MYO6: variants seen among roughly 807,000 people sequenced by gnomAD.
MYO6 encodes the protein unconventional myosin-VI.
A neutral mutation model predicts 178.7 loss-of-function variants in MYO6; 74 were observed. The ratio of observed to expected loss-of-function variants is 0.41; its 90% CI spans 0.34 to 0.50. MYO6 has a LOEUF of 0.50. Among genes scored for constraint, MYO6 ranks in the 20% least tolerant of loss-of-function variants. The pLI, the probability that MYO6 is intolerant of heterozygous loss-of-function variation, is 0.09. For synonymous variants in MYO6, 477 were observed against 504.6 expected (o/e 0.95, Z 0.73); for missense variants, 1,330 against 1,547.4 (o/e 0.86, Z 2.36).
chr6:75,794,757 A>T (rs932679724), intron 1 of MYO6, among the ~76,000 whole-genome samples: 6 of 145,118 alleles, frequency 4.1e-5, no homozygotes, highest in Admixed American at 2.0e-4. Context: ...AATAAAAAAA[A>T]AAATAAAATG....
intron 30 of MYO6, among the ~76,000 whole-genome samples, chr6:75,905,066 G>C (rs546508032): frequency 7.2e-5 from 11 of 152,212 alleles, no homozygotes; most frequent in Non-Finnish European, 1.5e-4. Flanking sequence ...GCCCACTTGA[G>C]GAGACAGTCT....
rs1028881414 is a variant in MYO6 at position 75,917,810 on chromosome 6, A to T, written c.*2798A>T. Reference sequence around the variant, plus strand: ...TTGTTTGTAGAGCTTTATTAATTGGATATTTTTTAAAAGACATTTTCATTC... The same window carrying T: ...TTGTTTGTAGAGCTTTATTAATTGGTTATTTTTTAAAAGACATTTTCATTC... On this transcript the variant is annotated 3_prime_UTR_variant, in exon 35 of 35. Coordinates refer to ENST00000369977, the MANE Select transcript of MYO6 (RefSeq NM_004999.4). 1 of 152,602 alleles carries T rather than the reference A, an allele frequency of 6.6e-6. No homozygotes were observed. Among genetic ancestry groups the T allele is most frequent in the South Asian group, 2.1e-4 (1 of 4,830 alleles). 9.5% of individuals were successfully genotyped at this position (152,602 alleles called of 1,614,324 possible). A position where few individuals can be genotyped will look rare whatever the true frequency, so the allele number is the denominator to read the frequency against.
intron 30 of MYO6, among the ~76,000 whole-genome samples, chr6:75,902,400 A>C (rs1326192690): frequency 6.6e-6 from 1 of 152,200 alleles, no homozygotes; most frequent in Admixed American, 6.5e-5. Flanking sequence ...CCACAATTTC[A>C]GATCCTGTTA....
At chr6:75,834,210 G>T (rs989620825) in intron 6 of MYO6, among the ~76,000 whole-genome samples, 4 of 151,592 alleles carry the variant, frequency 2.6e-5, no homozygotes, top group Admixed American at 6.6e-5. Flanking sequence ...TTTTTTGTTT[G>T]TTTGTTTGTT....
At chr6:75,843,947 G>T (rs1444179362) in intron 9 of MYO6, among the ~76,000 whole-genome samples, 1 of 151,892 alleles carries the variant, frequency 6.6e-6, no homozygotes, top group Non-Finnish European at 1.5e-5. Context: ...GGGAATTCAT[G>T]CCATGGTACA....
chr6:75,756,797 T>C lies in MYO6; in HGVS notation c.-48+7374T>C, dbSNP rs1285684053. On this transcript the variant is annotated intron_variant, in intron 1 of 34. Transcript: ENST00000369977. The stretch of plus-strand genomic sequence containing the variant: ...TGAGGGGCAGAGATGTTAAATTTGC[T>C]CAAGCTTATTTGGTGGTGCTGGAAT... Among the ~76,000 whole-genome samples the C allele has an allele frequency of 2.6e-5, 4 of 151,920 alleles. No individual in the cohort carries two copies. The East Asian group carries it at 5.8e-4, about 22-fold the overall frequency.
chr6:75,840,796 CT>C, intron 8 of MYO6, 114 bp downstream of exon 8: 1 of 800,764 alleles, frequency 1.2e-6, no homozygotes, highest in Non-Finnish European at 2.1e-6. Context: ...TTCATTGTTA[CT>C]TTAGATGGTT....
At chr6:75,911,050 G>A (rs1229821620) in intron 32 of MYO6, among the ~76,000 whole-genome samples, 3 of 152,006 alleles carry the variant, frequency 2.0e-5, no homozygotes, top group Non-Finnish European at 4.4e-5. Flanking sequence ...TCCTGGATGA[G>A]CATACTTTCA....
chr6:75,913,707 A>G (rs1183598158), intron 33 of MYO6, among the ~76,000 whole-genome samples: 1 of 152,134 alleles, frequency 6.6e-6, no homozygotes, highest in East Asian at 1.9e-4. Flanking sequence ...TACAGGAAGA[A>G]TATAAATCTA....
chr6:75,822,705 T>G (rs1393237972), intron 2 of MYO6, 77 bp from the exon 3 acceptor site: 57 of 1,093,804 alleles, frequency 5.2e-5, no homozygotes, highest in Non-Finnish European at 4.2e-6. Context: ...TTACAGTGTA[T>G]GCAACCAATT....
chr6:75,795,753 A>G (rs1339941453), intron 1 of MYO6, among the ~76,000 whole-genome samples: 3 of 152,208 alleles, frequency 2.0e-5, no homozygotes, highest in Non-Finnish European at 4.4e-5. Context: ...AATCTGTTAT[A>G]TTACTGTATT....
At chr6:75,857,318 T>C in intron 13 of MYO6, 64 bp downstream of exon 13, 1 of 1,509,374 alleles carries the variant, frequency 6.6e-7, no homozygotes, top group African/African-American at 1.4e-5. Context: ...TAGAATTTGT[T>C]CTTAAATCTT....
chr6:75,783,688 G>T (rs1008067853), intron 1 of MYO6, among the ~76,000 whole-genome samples: 1 of 151,928 alleles, frequency 6.6e-6, no homozygotes, highest in Admixed American at 6.6e-5. Context: ...TAAAGTCAAG[G>T]TTCCTTTATT....
At chr6:75,829,558 A>G (rs965454749) in intron 4 of MYO6, among the ~76,000 whole-genome samples, 3 of 152,124 alleles carry the variant, frequency 2.0e-5, no homozygotes, top group Non-Finnish European at 4.4e-5. Flanking sequence ...CAGCTGGGAG[A>G]TAGAACTTAT....
At chr6:75,819,230 G>C (rs1342215658) in intron 2 of MYO6, among the ~76,000 whole-genome samples, 1 of 151,966 alleles carries the variant, frequency 6.6e-6, no homozygotes, top group Non-Finnish European at 1.5e-5. Context: ...TTTCCACAAA[G>C]TTTTTTTTGA....
At chr6:75,898,123 T>C (rs985139476) in intron 29 of MYO6, among the ~76,000 whole-genome samples, 5 of 152,208 alleles carry the variant, frequency 3.3e-5, no homozygotes, top group African/African-American at 1.2e-4. Context: ...TGAGATTTTA[T>C]CTAAAAGTTG....
In MYO6 at chr6:75,918,596, A is replaced by G. The variant is rs1473560898; in HGVS notation, c.*3584A>G. On this transcript the variant is annotated 3_prime_UTR_variant, in exon 35 of 35. Transcript: ENST00000369977. ...TCAGCAGTAAATAGGCATTCTGTAC[A>G]TAAGCCTCATGGAAGGGTAAGATGG... The G allele has an allele frequency of 6.6e-6, 1 of 152,264 alleles. No homozygotes were observed. The allele number at this position is 152,264 out of a possible 1,614,324, so 9.4% of individuals were successfully genotyped here.
At chr6:75,794,227 G>A (rs899794838) in intron 1 of MYO6, among the ~76,000 whole-genome samples, 5 of 152,092 alleles carry the variant, frequency 3.3e-5, no homozygotes, top group Non-Finnish European at 4.4e-5. Context: ...ACCTCAGAAG[G>A]CAAGAACTGA....
intron 1 of MYO6, among the ~76,000 whole-genome samples, chr6:75,799,786 A>C (rs1206349257): frequency 6.6e-6 from 1 of 152,164 alleles, no homozygotes; most frequent in Admixed American, 6.5e-5. Context: ...AGGAGAGGGT[A>C]GGTGTAGACT....
Sources: allele counts gnomAD v4.1 joint callset (sites outside exome capture counted in the v4.1 genomes callset), GRCh38; gene constraint gnomAD v4.1.1; transcripts MANE v1.5; gene names NCBI Gene and HGNC (gene_info 2026-07-23, HGNC 2026-07-21).